Variants in ULK2 observed in about 807,000 individuals in gnomAD.
ULK2 encodes the protein serine/threonine-protein kinase ULK2.
ULK2 carries 76 observed loss-of-function variants against 127.5 expected under a neutral mutation model. The ratio of observed to expected loss-of-function variants is 0.60; its 90% CI spans 0.50 to 0.72. ULK2 has a LOEUF of 0.72. Among genes scored for constraint, ULK2 ranks in the 30% least tolerant of loss-of-function variants. ULK2 has a pLI of 0.00. For missense variants in ULK2, 1,144 were observed against 1,295.9 expected (o/e 0.88, Z 1.80); for synonymous variants, 452 against 461.9 (o/e 0.98, Z 0.28).
intron 19 of ULK2, among the ~76,000 whole-genome samples, 169 bp downstream of exon 19, chr17:19,795,925 AG>A (rs1461245764): frequency 6.6e-6 from 1 of 152,232 alleles, no homozygotes; most frequent in Non-Finnish European, 1.5e-5. Context: ...ACATAGTTAC[AG>A]GAAGCATCTG....
chr17:19,846,514 C>T (rs769364795), intron 6 of ULK2, among the ~76,000 whole-genome samples: 7 of 151,848 alleles, frequency 4.6e-5, no homozygotes, highest in Non-Finnish European at 8.8e-5. Context: ...GTGGTGCATG[C>T]CTGTAATCCC....
intron 23 of ULK2, 79 bp downstream of exon 23, chr17:19,781,810 G>T: frequency 6.8e-7 from 1 of 1,472,242 alleles, no homozygotes; most frequent in Non-Finnish European, 9.2e-7. Flanking sequence ...ATCTTCAGTG[G>T]ATGACAATAC....
intron 3 of ULK2, among the ~76,000 whole-genome samples, chr17:19,863,342 G>T (rs139399172): frequency 6.6e-6 from 1 of 152,000 alleles, no homozygotes; most frequent in Non-Finnish European, 1.5e-5. Flanking sequence ...GAATTCAACC[G>T]TCCAGACTAA....
chr17:19,827,887 G>C (rs1266387992), intron 10 of ULK2, among the ~76,000 whole-genome samples: 1 of 150,648 alleles, frequency 6.6e-6, no homozygotes, highest in Non-Finnish European at 1.5e-5. Context: ...TCCAGCCTAG[G>C]CACCAAGGGC....
chr17:19,853,419 T>C (rs1037949958), intron 3 of ULK2, among the ~76,000 whole-genome samples: 2 of 151,674 alleles, frequency 1.3e-5, no homozygotes, highest in Non-Finnish European at 2.9e-5. Context: ...ATTACAAGCA[T>C]GAGCCACCGC....
intron 10 of ULK2, 25 bp downstream of exon 10, chr17:19,838,476 T>C (rs762906445): frequency 1.3e-6 from 2 of 1,577,498 alleles, no homozygotes; most frequent in South Asian, 1.2e-5. Flanking sequence ...TTAGAAAACA[T>C]GCAAAAGTTA....
At chr17:19,802,815 C>T (rs927896023) in intron 15 of ULK2, among the ~76,000 whole-genome samples, 1 of 152,184 alleles carries the variant, frequency 6.6e-6, no homozygotes, top group Non-Finnish European at 1.5e-5. Flanking sequence ...TGCAAAGAAT[C>T]TTGCACTTTG....
At chr17:19,794,460 C>G (rs1002313326) in intron 20 of ULK2, among the ~76,000 whole-genome samples, 5 of 152,100 alleles carry the variant, frequency 3.3e-5, no homozygotes, top group Non-Finnish European at 7.4e-5. Flanking sequence ...ATGAAAAAAT[C>G]TGCACCTAAG....
chr17:19,842,984 T>C, intron 8 of ULK2, 137 bp downstream of exon 8: 1 of 748,738 alleles, frequency 1.3e-6, no homozygotes. Context: ...AAGCAGTTTT[T>C]GCCTATAACA....
chr17:19,824,319 G>A (rs575324830), intron 12 of ULK2, among the ~76,000 whole-genome samples: 57 of 152,044 alleles, frequency 3.7e-4, no homozygotes, highest in African/African-American at 1.3e-3. Flanking sequence ...GGTGGTGTGC[G>A]CCTACAGTCC....
At chr17:19,791,347 C>T (rs1458005493) in intron 20 of ULK2, among the ~76,000 whole-genome samples, 1 of 151,738 alleles carries the variant, frequency 6.6e-6, no homozygotes, top group African/African-American at 2.4e-5. Flanking sequence ...GCCAGGAGTT[C>T]GAGACCAGCC....
At chr17:19,824,210 C>T (rs1374735459) in intron 12 of ULK2, among the ~76,000 whole-genome samples, 1 of 151,922 alleles carries the variant, frequency 6.6e-6, no homozygotes, top group African/African-American at 2.4e-5. Context: ...TTTGGGAGGC[C>T]AAGGCGGGCA....
In ULK2 at chr17:19,783,774, A is replaced by G; in HGVS notation, c.2383T>C (p.Tyr795His). The change falls in exon 22 of 27, where the codon TAC becomes CAC. Residue 795 changes from tyrosine to histidine, a missense_variant. Transcript: ENST00000395544. ...TCTAGGCTGGGGGGTGAAGCACCGT[A>G]AGGCACGTATCTCAGGCTGGGAGCT... is the stretch of plus-strand genomic sequence containing the variant. ...EAAPSLRYVP[Y>H]GASPPSLEGL... 1.2e-6 allele frequency: 2 copies of G among 1,602,616 alleles called. No homozygotes were observed. Among genetic ancestry groups the G allele is most frequent in the South Asian group, 2.3e-5 (2 of 88,456 alleles).
Position 19,775,104 on chromosome 17 carries a change from G to A in ULK2, c.*1245C>T, listed in dbSNP as rs549698850. ...TTATGTAAAAGGATTAAAATAAAAGGATTAAAATTGGTGAATGGTTTATTC... is the reference window on the plus strand; with the variant it reads ...TTATGTAAAAGGATTAAAATAAAAGAATTAAAATTGGTGAATGGTTTATTC... On this transcript the variant is annotated 3_prime_UTR_variant, in exon 27 of 27. Transcript: ENST00000395544. 2.0e-5 allele frequency: 3 copies of A among 152,600 alleles called. No individual in the cohort carries two copies. The highest frequency in any genetic ancestry group is 1.9e-4 in the East Asian group (1 of 5,200). 9.5% of individuals were successfully genotyped at this position (152,600 alleles called of 1,614,324 possible).
intron 12 of ULK2, among the ~76,000 whole-genome samples, chr17:19,817,978 C>T (rs1304520111): frequency 1.3e-5 from 2 of 152,074 alleles, no homozygotes; most frequent in East Asian, 1.9e-4. Flanking sequence ...ACTACTGAGC[C>T]TCAACCATGC....
chr17:19,846,658 C>T, intron 6 of ULK2, 79 bp downstream of exon 6: 2 of 1,412,664 alleles, frequency 1.4e-6, no homozygotes, highest in South Asian at 1.6e-5. Flanking sequence ...AAAAAAAATC[C>T]ATCATTCAAC....
At chr17:19,776,469 T>G (rs1369207291) in intron 26 of ULK2, 62 bp from the exon 27 acceptor site, 14 of 1,403,674 alleles carry the variant, frequency 1.0e-5, no homozygotes, top group Non-Finnish European at 1.4e-5. Context: ...GTCATCTCTA[T>G]TCTATCTTTG....
intron 3 of ULK2, among the ~76,000 whole-genome samples, chr17:19,850,911 G>T (rs2152399702): frequency 6.6e-6 from 1 of 152,218 alleles, no homozygotes; most frequent in East Asian, 1.9e-4. Flanking sequence ...GGGCCCAGTG[G>T]CTAACACTTG....
chr17:19,801,858 G>C lies in ULK2; in HGVS notation c.1360C>G (p.Pro454Ala), dbSNP rs2087407221. The C allele has an allele frequency of 6.2e-7, 1 of 1,614,188 alleles. No homozygotes were observed. The highest frequency in any genetic ancestry group is 8.5e-7 in the Non-Finnish European group (1 of 1,180,028). The change falls in exon 16 of 27, where the codon CCA (proline) becomes GCA (alanine). Residue 454 changes from proline to alanine, a missense_variant. Pro to Ala is a conservative substitution (Grantham distance 27). Transcript: ENST00000395544. Reference protein sequence around the residue: ...MGFLRPGSCSPVPADTAQTVG... With the variant: ...MGFLRPGSCSAVPADTAQTVG... ...GTCTGTGCTGTGTCTGCTGGTACTGGGGAGCATGATCCCGGCCGGAGGAAG... is the reference window on the plus strand; with the variant it reads ...GTCTGTGCTGTGTCTGCTGGTACTGCGGAGCATGATCCCGGCCGGAGGAAG...
Sources: allele counts gnomAD v4.1 joint callset (sites outside exome capture counted in the v4.1 genomes callset), GRCh38; gene constraint gnomAD v4.1.1; transcripts MANE v1.5; gene names NCBI Gene and HGNC (gene_info 2026-07-23, HGNC 2026-07-21).